Variants in LAMA2 observed in about 807,000 individuals in gnomAD.
LAMA2 encodes the protein laminin subunit alpha 2.
Under a neutral mutation model 364.8 loss-of-function variants are expected in LAMA2, and 269 were observed. That is an observed-to-expected ratio of 0.74 (90% CI 0.67 to 0.82). The LOEUF (loss-of-function observed/expected upper bound fraction) is 0.82. Ranked by LOEUF, LAMA2 falls within the 40% of genes least tolerant of loss-of-function variation. The probability of loss-of-function intolerance (pLI) is 0.00; values close to 1 mark genes in which losing one functional copy is unlikely to be tolerated. For missense variants in LAMA2, 3,807 were observed against 3,873.2 expected, an observed-to-expected ratio of 0.98 and a Z score of 0.45; for synonymous variants, 1,379 against 1,370.6, an observed-to-expected ratio of 1.01 and a Z score of -0.14.
intron 29 of LAMA2, among the ~76,000 whole-genome samples, chr6:129,340,085 A>C (rs1306658673): frequency 6.6e-6 from 1 of 152,098 alleles, no homozygotes; most frequent in African/African-American, 2.4e-5. Context: ...GGCTACAGAA[A>C]ACCTACATAT....
At chr6:129,183,745 C>G (rs1781067471) in intron 10 of LAMA2, among the ~76,000 whole-genome samples, 1 of 151,918 alleles carries the variant, frequency 6.6e-6, no homozygotes, top group Non-Finnish European at 1.5e-5. Context: ...ATATCATTCT[C>G]ATGGCATAAT....
intron 31 of LAMA2, among the ~76,000 whole-genome samples, chr6:129,352,894 A>ACAT (rs1472414775): frequency 6.7e-6 from 1 of 148,182 alleles, no homozygotes; most frequent in Non-Finnish European, 1.5e-5. Flanking sequence ...AAGTAATTTA[A>ACAT]CATTATTATT....
chr6:128,995,768 A>C (rs550305465), intron 1 of LAMA2, among the ~76,000 whole-genome samples: 1 of 152,280 alleles, frequency 6.6e-6, no homozygotes, highest in African/African-American at 2.4e-5. Context: ...TTTTGCAGAG[A>C]TTAGAATGTA....
intron 18 of LAMA2, among the ~76,000 whole-genome samples, chr6:129,285,422 G>T (rs990776428): frequency 4.0e-5 from 6 of 151,888 alleles, no homozygotes; most frequent in African/African-American, 1.5e-4. Flanking sequence ...TTTAATTATA[G>T]TTATTTTCCT....
At chr6:129,054,507 G>A (rs1257608536) in intron 2 of LAMA2, among the ~76,000 whole-genome samples, 2 of 152,108 alleles carry the variant, frequency 1.3e-5, no homozygotes, top group African/African-American at 4.8e-5. Context: ...GAGTTGTGGG[G>A]AGGAGGTGCG....
At position 129,075,482 on chromosome 6, in the gene LAMA2, A is replaced by G. The variant is rs186843192; in HGVS notation, c.396+15586A>G. 2.6e-3 allele frequency among the ~76,000 whole-genome samples: 402 copies of G among 152,334 alleles called. 3 individuals are homozygous for G. The highest frequency in any genetic ancestry group is 9.2e-3 in the African/African-American group (383 of 41,580). ...CTCATTAGAAGTAACATTCTGCTAA[A>G]TGGAGAATGATTATAGTGAGATAAG... is the stretch of plus-strand genomic sequence containing the variant. On this transcript the variant is annotated intron_variant, in intron 3 of 64. Coordinates refer to ENST00000421865, the MANE Select transcript of LAMA2 (RefSeq NM_000426.4).
At chr6:129,290,190 C>A (rs1789595909) in intron 19 of LAMA2, among the ~76,000 whole-genome samples, 2 of 151,784 alleles carry the variant, frequency 1.3e-5, no homozygotes, top group African/African-American at 2.4e-5. Flanking sequence ...GTTTACACTC[C>A]AAGAAAAAGT....
chr6:128,958,930 A>G (rs1177935654), intron 1 of LAMA2, among the ~76,000 whole-genome samples: 1 of 152,180 alleles, frequency 6.6e-6, no homozygotes, highest in Non-Finnish European at 1.5e-5. Flanking sequence ...CTTTCCTAGT[A>G]TGGAAGACAA....
intron 29 of LAMA2, among the ~76,000 whole-genome samples, chr6:129,336,968 A>ATTACAG (rs1429539814): frequency 6.6e-6 from 1 of 152,198 alleles, no homozygotes; most frequent in Non-Finnish European, 1.5e-5. Flanking sequence ...GATACTATGA[A>ATTACAG]TTACAGTTAA....
At chr6:129,337,615 T>C (rs1467541463) in intron 29 of LAMA2, among the ~76,000 whole-genome samples, 1 of 152,136 alleles carries the variant, frequency 6.6e-6, no homozygotes, top group East Asian at 1.9e-4. Context: ...AAGGCATTCC[T>C]GTATGGCAAG....
At chr6:128,910,962 C>G (rs1777887665) in intron 1 of LAMA2, among the ~76,000 whole-genome samples, 1 of 151,312 alleles carries the variant, frequency 6.6e-6, no homozygotes, top group Non-Finnish European at 1.5e-5. Flanking sequence ...GGTCAGGGGT[C>G]AGGGACCCAC....
intron 15 of LAMA2, among the ~76,000 whole-genome samples, chr6:129,264,389 G>A (rs924273944): frequency 6.6e-6 from 1 of 151,866 alleles, no homozygotes; most frequent in Non-Finnish European, 1.5e-5. Context: ...TGTGTGTGGG[G>A]GGGTGGGGGC....
chr6:129,412,518 T>G (rs1016420295), intron 40 of LAMA2, among the ~76,000 whole-genome samples: 3 of 150,438 alleles, frequency 2.0e-5, no homozygotes, highest in Admixed American at 6.6e-5. Context: ...TAAAGAAATG[T>G]GAAGGGGAGG....
chr6:129,203,346 C>A (rs578134709), intron 12 of LAMA2, among the ~76,000 whole-genome samples: 1 of 152,206 alleles, frequency 6.6e-6, no homozygotes, highest in Non-Finnish European at 1.5e-5. Flanking sequence ...CACTAGCCTA[C>A]GTGCATATGG....
Position 129,353,187 on chromosome 6 carries a change from G to T in LAMA2, c.4547G>T (p.Ser1516Ile). The T allele has an allele frequency of 6.2e-7, 1 of 1,613,778 alleles. No homozygotes were observed. The highest frequency in any genetic ancestry group is 1.7e-5 in the Admixed American group (1 of 60,004). The part of the protein sequence containing the change: ...CERCAPGYTG[S>I]PGNPGGSCQE... ...AGGTGTGCCCCTGGCTATACTGGCA[G>T]TCCAGGCAACCCTGGAGGCTCCTGC... The change falls in exon 32 of 65, where the codon AGT becomes ATT. Residue 1516 changes from serine (S) to isoleucine (I), a missense_variant. By Grantham distance (142) the Ser-to-Ile change is moderately radical (BLOSUM62 -2). Transcript: ENST00000421865.
At chr6:129,133,085 C>T (rs1000662120) in intron 4 of LAMA2, among the ~76,000 whole-genome samples, 22 of 152,276 alleles carry the variant, frequency 1.4e-4, no homozygotes, top group African/African-American at 5.3e-4. Flanking sequence ...CATATACATA[C>T]AAACATCCTT....
intron 4 of LAMA2, among the ~76,000 whole-genome samples, chr6:129,127,771 A>AT (rs1223258460): frequency 6.6e-6 from 1 of 151,930 alleles, no homozygotes; most frequent in Admixed American, 6.6e-5. Flanking sequence ...ATGATTAGTG[A>AT]TTTTTTCATT....
chr6:129,412,695 T>C (rs1315184074), intron 40 of LAMA2, among the ~76,000 whole-genome samples: 1 of 152,240 alleles, frequency 6.6e-6, no homozygotes, highest in Non-Finnish European at 1.5e-5. Flanking sequence ...TAATTCAAGT[T>C]TATGTCTCAC....
chr6:129,118,107 A>C (rs1776579860), intron 4 of LAMA2, among the ~76,000 whole-genome samples: 1 of 152,210 alleles, frequency 6.6e-6, no homozygotes, highest in Non-Finnish European at 1.5e-5. Context: ...TCTGATAATG[A>C]AAAGAAATGC....
Sources: allele counts gnomAD v4.1 joint callset (sites outside exome capture counted in the v4.1 genomes callset), GRCh38; gene constraint gnomAD v4.1.1; transcripts MANE v1.5; gene names NCBI Gene and HGNC (gene_info 2026-07-23, HGNC 2026-07-21).